CALR: variants seen among roughly 807,000 people sequenced by gnomAD.
The protein encoded by CALR is CRP55.
In CALR, 15 loss-of-function variants were observed where a neutral mutation model predicts 51.1. That is an observed-to-expected ratio of 0.29 (90% CI 0.20 to 0.45). The LOEUF is 0.45. Among genes scored for constraint, CALR ranks in the 20% least tolerant of loss-of-function variants. CALR has a pLI of 1.00. For synonymous variants in CALR, 239 were observed against 205.9 expected (o/e 1.16, Z -1.38); for missense variants, 477 against 530.6 (o/e 0.90, Z 0.99).
In CALR at chr19:12,943,314, G is replaced by A; in HGVS notation, c.961-223G>A. On this transcript the variant is annotated intron_variant, in intron 7 of 8. Transcript: ENST00000316448. ...TTAGCCAGGGTGGTCTCGATCTCCTGACCTCGTGATCCGCCCACCTTGGCC... is the reference window on the plus strand; with the variant it reads ...TTAGCCAGGGTGGTCTCGATCTCCTAACCTCGTGATCCGCCCACCTTGGCC... 3 of 573,722 alleles carry A rather than the reference G, an allele frequency of 5.2e-6. No homozygotes were observed. The South Asian group carries it at 5.7e-5, about 11-fold the overall frequency. The allele number at this position is 573,722 out of a possible 1,614,324, so 35.5% of individuals were successfully genotyped here. A position where few individuals can be genotyped will look rare whatever the true frequency, so the allele number is the denominator to read the frequency against.
chr19:12,944,195 C>T lies in CALR; in HGVS notation c.*282C>T. 1.9e-6 allele frequency: 1 copy of T among 534,278 alleles called. No homozygotes were observed. The highest frequency in any genetic ancestry group is 3.3e-6 in the Non-Finnish European group (1 of 301,282). The allele number at this position is 534,278 out of a possible 1,614,324, so 33.1% of individuals were successfully genotyped here. ...CAACATCTTTTCTTGCCTCTGTCCC[C>T]TTCTCTCATCTCTTAGCTCCCCTCC... On this transcript the variant is annotated 3_prime_UTR_variant, in exon 9 of 9. Transcript: ENST00000316448.
intron 7 of CALR, among the ~76,000 whole-genome samples, chr19:12,941,917 T>A (rs1033185469): frequency 1.3e-5 from 2 of 151,956 alleles, no homozygotes; most frequent in Non-Finnish European, 2.9e-5. Flanking sequence ...ACAAAAACTT[T>A]AAAAATTGGC....
chr19:12,938,638 T>A lies in CALR; in HGVS notation c.-42T>A. 6.8e-7 allele frequency: 1 copy of A among 1,481,318 alleles called. No individual in the cohort carries two copies. Among genetic ancestry groups the A allele is most frequent in the Non-Finnish European group, 9.3e-7 (1 of 1,075,648 alleles). The allele number at this position is 1,481,318 out of a possible 1,614,324, so 91.8% of individuals were successfully genotyped here. A position where few individuals can be genotyped will look rare whatever the true frequency, so the allele number is the denominator to read the frequency against. ...GTACTGCAGAGCCGCTGCCGGAGGGTCGTTTTAAAGGGCCCGCGCGTTGCC... is the reference window on the plus strand; with the variant it reads ...GTACTGCAGAGCCGCTGCCGGAGGGACGTTTTAAAGGGCCCGCGCGTTGCC... On this transcript the variant is annotated 5_prime_UTR_variant, in exon 1 of 9. Transcript: ENST00000316448.
intron 7 of CALR, 97 bp downstream of exon 7, chr19:12,940,984 G>T: frequency 8.3e-7 from 1 of 1,206,578 alleles, no homozygotes; most frequent in South Asian, 1.2e-5. Context: ...AGGTGAGTCT[G>T]ACTCAAAAAT....
Position 12,939,446 on chromosome 19 carries a change from A to G in CALR, c.212A>G (p.Asp71Gly), listed in dbSNP as rs1404498335. Residue 71 changes from aspartate to glycine, a missense_variant, in exon 3 of 9, where the codon GAT becomes GGT. Asp to Gly is a moderately conservative substitution (Grantham distance 94). Coordinates refer to ENST00000316448, the MANE Select transcript of CALR (RefSeq NM_004343.4). ...EKDKGLQTSQ[D>G]ARFYALSASF... is the part of the protein sequence containing the mutation. The stretch of plus-strand genomic sequence containing the variant: ...GTCTCAGGTTTGCAGACAAGCCAGG[A>G]TGCACGCTTTTATGCTCTGTCGGCC... 6.2e-7 allele frequency: 1 copy of G among 1,612,410 alleles called. No individual in the cohort carries two copies. The highest frequency in any genetic ancestry group is 1.3e-5 in the African/African-American group (1 of 74,976).
chr19:12,938,854 GT>G, intron 1 of CALR, 84 bp downstream of exon 1: 1 of 1,074,564 alleles, frequency 9.3e-7, no homozygotes, highest in Non-Finnish European at 1.4e-6. Context: ...CGTAATTACC[GT>G]TTAGAGGTCC....
At chr19:12,943,185 C>G in intron 7 of CALR, 2 of 319,844 alleles carry the variant, frequency 6.3e-6, no homozygotes, top group Non-Finnish European at 6.1e-6. Context: ...CCTGGGTTCA[C>G]ATCATTCTCC....
chr19:12,939,259 C>A, intron 2 of CALR, 24 bp downstream of exon 2: 1 of 1,544,300 alleles, frequency 6.5e-7, no homozygotes, highest in South Asian at 1.1e-5. Flanking sequence ...AGTGGGTGCT[C>A]AGATCCGGGA....
At chr19:12,942,236 G>A (rs953931408) in intron 7 of CALR, among the ~76,000 whole-genome samples, 4 of 151,534 alleles carry the variant, frequency 2.6e-5, no homozygotes, top group African/African-American at 7.3e-5. Context: ...GGTGGTGGGC[G>A]CCTGTAGTCC....
chr19:12,939,044 TC>T (rs1971506761), intron 1 of CALR, 89 bp from the exon 2 acceptor site: 6 of 814,566 alleles, frequency 7.4e-6, no homozygotes, highest in Non-Finnish European at 1.0e-5. Context: ...TCCTTTCCTG[TC>T]CCCAGCAGCT....
At chr19:12,943,007 T>C (rs1482882523) in intron 7 of CALR, among the ~76,000 whole-genome samples, 2 of 151,326 alleles carry the variant, frequency 1.3e-5, no homozygotes, top group African/African-American at 2.4e-5. Flanking sequence ...CCGTTCGCCA[T>C]GACCTCCCAA....
rs1266772145 is a variant in CALR, at chr19:12,944,027, C to A, written c.*114C>A. On this transcript the variant is annotated 3_prime_UTR_variant, in exon 9 of 9. Transcript: ENST00000316448. Reference sequence around the variant, plus strand: ...ACTTTCATTTTTTTCCAGGCTGGTTCGGATTTGGGGTGGATTTTGGTTTTG... The same window carrying A: ...ACTTTCATTTTTTTCCAGGCTGGTTAGGATTTGGGGTGGATTTTGGTTTTG... The A allele has an allele frequency of 6.5e-7, 1 of 1,538,902 alleles. No homozygotes were observed.
chr19:12,939,684 C>G (rs567482792), intron 3 of CALR, 53 bp downstream of exon 3: 1 of 1,453,986 alleles, frequency 6.9e-7, no homozygotes, highest in East Asian at 2.3e-5. Context: ...AGAGGGAGAC[C>G]CAGACCCCAT....
rs762602753 is a variant in CALR at position 12,940,531 on chromosome 19, T to A, written c.703-10T>A. 3.7e-6 allele frequency: 6 copies of A among 1,613,620 alleles called. No homozygotes were observed. The African/African-American group carries it at 8.0e-5, about 22-fold the overall frequency. On this transcript the variant is annotated splice_polypyrimidine_tract_variant and intron_variant, in intron 5 of 8. Transcript: ENST00000316448. ...CTGGGCCAACTCTGATCTCTTCATC[T>A]ACCCCCCAGGACTGGGACAAGCCCG...
intron 1 of CALR, 153 bp downstream of exon 1, chr19:12,938,923 G>T: frequency 1.3e-6 from 1 of 773,252 alleles, no homozygotes; most frequent in Non-Finnish European, 2.3e-6. Context: ...CGTCCCTGGG[G>T]AGCGCGGAGG....
chr19:12,943,075 A>ATT (rs1971570422), intron 7 of CALR: 1 of 136,564 alleles, frequency 7.3e-6, no homozygotes, highest in Non-Finnish European at 1.4e-5. Context: ...CCATCTTTCC[A>ATT]TCTTTTTTTT....
intron 7 of CALR, 23 bp from the exon 8 acceptor site, chr19:12,943,514 C>G (rs1971576181): frequency 6.2e-7 from 1 of 1,607,664 alleles, no homozygotes; most frequent in Non-Finnish European, 8.5e-7. Context: ...CACCTCTGAC[C>G]ATCCTTCCCA....
In CALR at chr19:12,942,927, A is replaced by T. The variant is rs186452259; in HGVS notation, c.961-610A>T. 2.5e-3 allele frequency among the ~76,000 whole-genome samples: 376 copies of T among 151,078 alleles called. 2 individuals carry two copies. The highest frequency in any genetic ancestry group is 8.4e-3 in the African/African-American group (347 of 41,142). ...ATGCGCCATCACAGACCCCGGGCTA[A>T]TTTTTTTTAGTAGAGACAGAGTTTC... On this transcript the variant is annotated intron_variant, in intron 7 of 8. Coordinates refer to ENST00000316448, the MANE Select transcript of CALR (RefSeq NM_004343.4).
intron 7 of CALR, 190 bp from the exon 8 acceptor site, chr19:12,943,347 G>A (rs571508660): frequency 2.5e-5 from 16 of 636,784 alleles, no homozygotes; most frequent in Non-Finnish European, 4.0e-5. Context: ...GCCTCTGGGC[G>A]AGGATTACAG....
Sources: gnomAD v4.1 joint callset for allele counts (sites outside exome capture counted in the v4.1 genomes callset) on GRCh38, gnomAD v4.1.1 for gene constraint, MANE v1.5 for transcripts, NCBI Gene and HGNC (gene_info 2026-07-23, HGNC 2026-07-21) for gene names.